The following MATK variants were observed in gnomAD, a reference collection of about 807,000 sequenced individuals.
MATK encodes megakaryocyte-associated tyrosine kinase, also known as megakaryocyte-associated tyrosine-protein kinase.
MATK carries 41 observed loss-of-function variants against 59.8 expected under a neutral mutation model. The observed-to-expected ratio is 0.69, with a 90% CI of 0.53 to 0.89. The LOEUF is 0.89. Ranked by LOEUF, MATK falls within the 40% of genes least tolerant of loss-of-function variation. The probability of loss-of-function intolerance (pLI) is 0.00; values close to 1 mark genes in which losing one functional copy is unlikely to be tolerated. For synonymous variants in MATK, 308 were observed against 306.1 expected (o/e 1.01, Z -0.06); for missense variants, 593 against 719.6 (o/e 0.82, Z 2.01).
chr19:3,781,525 T>C (rs1041898276), intron 8 of MATK, 82 bp downstream of exon 8: 8 of 1,461,564 alleles, frequency 5.5e-6, no homozygotes, highest in Non-Finnish European at 6.7e-6. Flanking sequence ...AAGTATGGGT[T>C]TGAATTCAGC....
intron 8 of MATK, among the ~76,000 whole-genome samples, chr19:3,780,930 C>T (rs996344665): frequency 3.3e-5 from 5 of 151,258 alleles, no homozygotes; most frequent in South Asian, 2.1e-4. Context: ...GGTCTCGCTA[C>T]GTTGTCCAGG....
rs1200515936 is a variant in MATK at position 3,799,869 on chromosome 19, G to A, written c.-58+1663C>T. 1.3e-4 allele frequency among the ~76,000 whole-genome samples: 20 copies of A among 152,046 alleles called. No individual in the cohort carries two copies. In the East Asian group the frequency reaches 3.3e-3, roughly 25 times the overall value. On this transcript the variant is annotated intron_variant, in intron 1 of 13. Coordinates refer to the MATK transcript ENST00000395045. ...GAAAAATAAGATGTGTCAGCCGGGC[G>A]CGGTGGCTCACGCCTGTAATCCCAG...
chr19:3,779,858 G>A (rs1233311733), intron 8 of MATK, 61 bp from the exon 9 acceptor site: 2 of 1,000,860 alleles, frequency 2.0e-6, no homozygotes, highest in Non-Finnish European at 3.2e-6. Flanking sequence ...GGGACAGAGA[G>A]ACAGACGGAC....
At chr19:3,785,520 C>A (rs1002350817) in intron 1 of MATK, 49 of 314,754 alleles carry the variant, frequency 1.6e-4, no homozygotes, top group African/African-American at 8.6e-4. Context: ...TCCCCGACCG[C>A]TAGTGGCTGG....
At chr19:3,789,100 G>A (rs1320390732), upstream of MATK, among the ~76,000 whole-genome samples, 3 of 152,116 alleles carry the variant, frequency 2.0e-5, no homozygotes, top group Non-Finnish European at 4.4e-5. Flanking sequence ...ATCTGGCTGT[G>A]GGATAGTCTG....
At chr19:3,789,242 G>A (rs757048315), upstream of MATK, 6 of 768,756 alleles carry the variant, frequency 7.8e-6, no homozygotes, top group Non-Finnish European at 1.5e-5. Context: ...TATCTGCAGC[G>A]GAAAACCCAG....
In MATK at chr19:3,784,161, C is replaced by G; in HGVS notation, c.325G>C (p.Glu109Gln). ...AGCTTGGGGTCTGCGGAGAGGGCCT[C>G]CCGCTCCCGCAGCGCCCCAGCTGCC... ...LLAAGALRER[E>Q]ALSADPKLSL... The change falls in exon 5 of 14, where the codon GAG becomes CAG. Residue 109 changes from glutamate to glutamine, a missense_variant. Physicochemically the swap from Glu to Gln is conservative, Grantham distance 29 (BLOSUM62 2). Coordinates refer to ENST00000310132, the MANE Select transcript of MATK (RefSeq NM_139355.3). 1 of 1,613,178 alleles carries G rather than the reference C, an allele frequency of 6.2e-7. No individual in the cohort carries two copies. The highest frequency in any genetic ancestry group is 1.3e-5 in the African/African-American group (1 of 75,046).
chr19:3,779,621 G>A lies in MATK; in HGVS notation c.843-4C>T, dbSNP rs1467078867. The A allele has an allele frequency of 1.2e-6, 2 of 1,611,842 alleles. No individual in the cohort carries two copies. The highest frequency in any genetic ancestry group is 1.7e-6 in the Non-Finnish European group (2 of 1,179,566). On this transcript the variant is annotated splice_region_variant and splice_polypyrimidine_tract_variant and intron_variant, in intron 9 of 13. Coordinates refer to ENST00000310132, the MANE Select transcript of MATK (RefSeq NM_139355.3). Reference sequence around the variant, plus strand: ...CAGGTTCTCGTGTTGCATCTTCCTGGGGGCGGTGGGGTGGGCGTGAGGGCA... The same window carrying A: ...CAGGTTCTCGTGTTGCATCTTCCTGAGGGCGGTGGGGTGGGCGTGAGGGCA...
At chr19:3,788,097 T>TTAATATTATA (rs747060842), upstream of MATK, among the ~76,000 whole-genome samples, 633 of 133,754 alleles carry the variant, frequency 4.7e-3, 4 homozygotes, top group African/African-American at 4.8e-3. Context: ...ATTATTAATA[T>TTAATATTATA]TTATATTATA....
intron 12 of MATK, 86 bp from the exon 13 acceptor site, chr19:3,778,681 G>T: frequency 7.1e-7 from 1 of 1,411,236 alleles, no homozygotes; most frequent in South Asian, 1.2e-5. Flanking sequence ...CTCCTGGGTT[G>T]ACCCTCACTC....
chr19:3,794,975 C>CTTTTTTTTT (rs532158792), intron 1 of MATK, among the ~76,000 whole-genome samples: 1 of 107,912 alleles, frequency 9.3e-6, no homozygotes, highest in African/African-American at 3.8e-5. Flanking sequence ...TTTTCTTTTG[C>CTTTTTTTTT]TTTTTTTTTT....
chr19:3,795,033 AG>A (rs2037580969), intron 1 of MATK, among the ~76,000 whole-genome samples: 1 of 129,916 alleles, frequency 7.7e-6, no homozygotes, highest in Non-Finnish European at 1.5e-5. Context: ...GCTGGAGTGC[AG>A]TGGCGTGATC....
chr19:3,791,332 A>G (rs941337215), upstream of MATK, among the ~76,000 whole-genome samples: 5 of 149,546 alleles, frequency 3.3e-5, no homozygotes, highest in African/African-American at 1.2e-4. Context: ...GGACACAGTC[A>G]TCTCTCCACC....
At chr19:3,791,972 G>T (rs1198928408) in intron 1 of MATK, among the ~76,000 whole-genome samples, 1 of 152,096 alleles carries the variant, frequency 6.6e-6, no homozygotes, top group Non-Finnish European at 1.5e-5. Context: ...GCTGGGCGTG[G>T]CGGCGGGTGC....
At chr19:3,784,293 G>C (rs1333394962) in intron 4 of MATK, 45 bp downstream of exon 4, 1 of 1,593,896 alleles carries the variant, frequency 6.3e-7, no homozygotes, top group East Asian at 2.2e-5. Flanking sequence ...TGGTCCTGGT[G>C]GAGCCCCCAG....
chr19:3,796,356 C>T (rs1263070377), intron 1 of MATK, among the ~76,000 whole-genome samples: 2 of 152,152 alleles, frequency 1.3e-5, no homozygotes, highest in Non-Finnish European at 2.9e-5. Context: ...CTTGATTTAT[C>T]AGTTGGATGT....
chr19:3,797,405 T>A (rs2037605887), intron 1 of MATK, among the ~76,000 whole-genome samples: 2 of 151,380 alleles, frequency 1.3e-5, no homozygotes, highest in South Asian at 4.2e-4. Flanking sequence ...CAAGTGATCC[T>A]CCTGCCTCAG....
chr19:3,800,681 T>A (rs567605243), intron 1 of MATK, among the ~76,000 whole-genome samples: 170 of 151,866 alleles, frequency 1.1e-3, no homozygotes, highest in Middle Eastern at 0.01. Flanking sequence ...AGAAGGGAAA[T>A]GGAGTGTTCA....
At chr19:3,779,208 TG>T in intron 11 of MATK, 21 bp from the exon 12 acceptor site, 2 of 1,564,890 alleles carry the variant, frequency 1.3e-6, no homozygotes, top group South Asian at 2.3e-5. Flanking sequence ...TAGGGGGCAG[TG>T]GGGGCTCAGG....
Sources: allele counts gnomAD v4.1 joint callset (sites outside exome capture counted in the v4.1 genomes callset), GRCh38; gene constraint gnomAD v4.1.1; transcripts MANE v1.5; gene names NCBI Gene and HGNC (gene_info 2026-07-23, HGNC 2026-07-21).